XPOT: variants seen among roughly 807,000 people sequenced by gnomAD.
The protein encoded by XPOT is exportin-T.
In XPOT, 34 loss-of-function variants were observed where a neutral mutation model predicts 128.2. The observed-to-expected ratio is 0.27, with a 90% CI of 0.20 to 0.35. The LOEUF (loss-of-function observed/expected upper bound fraction) is 0.35. Ranked by LOEUF, XPOT falls within the 10% of genes least tolerant of loss-of-function variation. XPOT has a pLI of 1.00. For synonymous variants in XPOT, 348 were observed against 394.3 expected (o/e 0.88, Z 1.39); for missense variants, 838 against 1,125.3 (o/e 0.74, Z 3.65).
rs962079813 is a variant in XPOT at position 64,420,081 on chromosome 12, G to A, written c.501G>A (p.Arg167=). The part of the protein sequence containing the change: ...DVVHTSEEAR[R]NTLIKDTMRE... ...GTTTTGTATTTTAGGAGGCTCGTAG[G>A]AATACTCTCATAAAAGATACCATGA... is the stretch of plus-strand genomic sequence containing the variant. The change falls in exon 7 of 25, where the codon AGG becomes AGA. Residue 167 remains arginine, a synonymous_variant. Transcript: ENST00000332707. 2.5e-6 allele frequency: 4 copies of A among 1,571,178 alleles called. No individual in the cohort carries two copies. Among genetic ancestry groups the A allele is most frequent in the Non-Finnish European group, 3.4e-6 (4 of 1,166,066 alleles).
chr12:64,424,805 C>CTT, intron 12 of XPOT, 82 bp downstream of exon 12: 1 of 1,521,090 alleles, frequency 6.6e-7, no homozygotes, highest in Non-Finnish European at 8.9e-7. Flanking sequence ...ATTCATATGA[C>CTT]TTATTAATCC....
rs750521420 is a variant in XPOT at position 64,445,088 on chromosome 12, C to T, written c.2819C>T (p.Ala940Val). 8.1e-6 allele frequency: 13 copies of T among 1,608,874 alleles called. No individual in the cohort carries two copies. The highest frequency in any genetic ancestry group is 1.1e-5 in the South Asian group (1 of 90,226). ...CCCACCCCCCAGGAGTTTTGTCAAGCGCTTCAGCAGCCTGATGCTAAAGTT... is the reference window on the plus strand; with the variant it reads ...CCCACCCCCCAGGAGTTTTGTCAAGTGCTTCAGCAGCCTGATGCTAAAGTT... ...APEIIQEFCQ[A>V]LQQPDAKVFK... The change falls in exon 24 of 25, where the codon GCG becomes GTG. Residue 940 changes from alanine to valine, a missense_variant. This residue lies in a region of XPOT where 56 missense variants were observed against 79.2 expected (regional missense o/e 0.71). Coordinates refer to ENST00000332707, the MANE Select transcript of XPOT (RefSeq NM_007235.6).
intron 23 of XPOT, among the ~76,000 whole-genome samples, chr12:64,443,934 CAT>C (rs1338780059): frequency 2.0e-5 from 3 of 152,124 alleles, no homozygotes; most frequent in Non-Finnish European, 4.4e-5. Flanking sequence ...TAAATAAACT[CAT>C]ATTTTAATGA....
chr12:64,421,805 C>G (rs1334257447), intron 9 of XPOT, among the ~76,000 whole-genome samples: 1 of 151,792 alleles, frequency 6.6e-6, no homozygotes, highest in Non-Finnish European at 1.5e-5. Context: ...ATTCATTTCT[C>G]ATAAACAATT....
At position 64,431,702 on chromosome 12, in the gene XPOT, G is replaced by T. The variant is rs1312005739; in HGVS notation, c.2141G>T (p.Cys714Phe). The T allele has an allele frequency of 6.2e-7, 1 of 1,613,870 alleles. No homozygotes were observed. Among genetic ancestry groups the T allele is most frequent in the Non-Finnish European group, 8.5e-7 (1 of 1,179,952 alleles). The change falls in exon 18 of 25, where the codon TGC becomes TTC. Residue 714 changes from cysteine (C) to phenylalanine (F), a missense_variant. Coordinates refer to ENST00000332707, the MANE Select transcript of XPOT (RefSeq NM_007235.6). ...VRTFLHRMII[C>F]LEEEVLPFIP... The stretch of plus-strand genomic sequence containing the variant: ...ACTTTCCTTCATCGAATGATTATTT[G>T]CCTGGAGGAAGAAGTTCTTCCGTTC...
intron 2 of XPOT, 56 bp downstream of exon 2, chr12:64,410,151 G>T: frequency 6.5e-7 from 1 of 1,547,444 alleles, no homozygotes; most frequent in Non-Finnish European, 8.9e-7. Context: ...TGGCATTAGA[G>T]GACTTGAATA....
chr12:64,435,060 C>T (rs2040271194), intron 21 of XPOT, 151 bp downstream of exon 21: 2 of 640,834 alleles, frequency 3.1e-6, no homozygotes, highest in Admixed American at 6.7e-5. Flanking sequence ...TTTATGATAC[C>T]TTCTGGAGTT....
chr12:64,432,360 C>G (rs1465970496), intron 18 of XPOT, among the ~76,000 whole-genome samples: 4 of 151,994 alleles, frequency 2.6e-5, no homozygotes. Context: ...ATTCTTGTGC[C>G]TCAGCCTCCT....
In XPOT at chr12:64,434,810, A is replaced by G. The variant is rs771377210; in HGVS notation, c.2586A>G (p.Pro862=). The stretch of plus-strand genomic sequence containing the variant: ...TCTTGACAGGAGGTAAAGATGGACC[A>G]GTGGGATTTGCTGATTTTGTTTATA... The part of the protein sequence containing the change: ...LVELWGGKDG[P]VGFADFVYKH... The change falls in exon 21 of 25, where the codon CCA becomes CCG. Residue 862 remains proline, a synonymous_variant. Transcript: ENST00000332707. 8.7e-6 allele frequency: 14 copies of G among 1,612,144 alleles called. No homozygotes were observed. The South Asian group carries it at 1.2e-4, about 14-fold the overall frequency.
chr12:64,438,085 A>G (rs1185009745), intron 22 of XPOT, among the ~76,000 whole-genome samples: 1 of 152,220 alleles, frequency 6.6e-6, no homozygotes, highest in African/African-American at 2.4e-5. Context: ...CGTTGTTTGG[A>G]TGCTAAACAG....
At position 64,422,425 on chromosome 12, in the gene XPOT, G is replaced by C. The variant is rs193141665; in HGVS notation, c.1081-580G>C. Among the ~76,000 whole-genome samples the C allele has an allele frequency of 4.9e-3, 744 of 152,234 alleles. 4 individuals carry two copies. Among genetic ancestry groups the C allele is most frequent in the Non-Finnish European group, 7.2e-3 (493 of 68,006 alleles). On this transcript the variant is annotated intron_variant, in intron 9 of 24. Coordinates refer to ENST00000332707, the MANE Select transcript of XPOT (RefSeq NM_007235.6). ...CCATTGTATATCTCTTAATGGTTTT[G>C]TAGGCTTGTTTTGCTTTGTTTAAAA...
intron 1 of XPOT, among the ~76,000 whole-genome samples, chr12:64,408,904 C>T (rs1357306390): frequency 1.3e-5 from 2 of 152,128 alleles, no homozygotes; most frequent in African/African-American, 4.8e-5. Context: ...AACTCCTGAC[C>T]TTAAGTGATC....
chr12:64,445,159 TCATA>T lies in XPOT; in HGVS notation c.2862+31_2862+34del, dbSNP rs766588583. On this transcript the variant is annotated intron_variant, in intron 24 of 24. Coordinates refer to ENST00000332707, the MANE Select transcript of XPOT (RefSeq NM_007235.6). The stretch of plus-strand genomic sequence containing the variant: ...AGGTATTTGTGAAGCTCACGTATCT[TCATA>T]CAATTAGGTAATGTTTGAGAGCCAA... 5.2e-6 allele frequency: 8 copies of T among 1,545,240 alleles called. No homozygotes were observed. The South Asian group carries it at 5.7e-5, about 11-fold the overall frequency.
In XPOT at chr12:64,418,938, G is replaced by A. The variant is rs2040112633; in HGVS notation, c.333G>A (p.Leu111=). The stretch of plus-strand genomic sequence containing the variant: ...ATAAAGCCGCCCAAGTCTTCGCCTT[G>A]CTTTTTGTTACAGAGTATCTCACTA... ...IRNKAAQVFA[L]LFVTEYLTKW... Residue 111 remains leucine (L), a synonymous_variant, in exon 6 of 25, where the codon TTG becomes TTA. Transcript: ENST00000332707. The A allele has an allele frequency of 6.2e-7, 1 of 1,613,856 alleles. No individual in the cohort carries two copies. Among genetic ancestry groups the A allele is most frequent in the Admixed American group, 1.7e-5 (1 of 59,988 alleles).
chr12:64,439,626 A>AG (rs2040309281), intron 23 of XPOT, among the ~76,000 whole-genome samples: 1 of 152,138 alleles, frequency 6.6e-6, no homozygotes, highest in Non-Finnish European at 1.5e-5. Flanking sequence ...TTTTAAAAAA[A>AG]CATTCTAAAG....
In XPOT at chr12:64,433,406, A is replaced by G; in HGVS notation, c.2263-8A>G. On this transcript the variant is annotated splice_region_variant and splice_polypyrimidine_tract_variant and intron_variant, in intron 18 of 24. Transcript: ENST00000332707. ...CTAATTTCTGAAGTAATGATTGTTT[A>G]TCTTCAGATACAGGTATCCCCGTTT... 5.3e-6 allele frequency: 8 copies of G among 1,516,212 alleles called. No individual in the cohort carries two copies. Among genetic ancestry groups the G allele is most frequent in the South Asian group, 1.3e-5 (1 of 78,436 alleles). 93.9% of individuals were successfully genotyped at this position (1,516,212 alleles called of 1,614,324 possible).
intron 3 of XPOT, 107 bp downstream of exon 3, chr12:64,415,096 T>G (rs1433957034): frequency 2.0e-5 from 4 of 197,950 alleles, no homozygotes; most frequent in South Asian, 2.4e-4. Flanking sequence ...ATTTTATGAC[T>G]TTTTTTTTTT....
intron 24 of XPOT, among the ~76,000 whole-genome samples, chr12:64,445,568 T>A (rs1373320997): frequency 6.6e-6 from 1 of 152,180 alleles, no homozygotes; most frequent in East Asian, 1.9e-4. Flanking sequence ...TTTTTTTTTT[T>A]AACTCTGTAA....
intron 1 of XPOT, among the ~76,000 whole-genome samples, chr12:64,407,331 C>G (rs1418624742): frequency 6.6e-6 from 1 of 151,838 alleles, no homozygotes; most frequent in African/African-American, 2.4e-5. Flanking sequence ...CTAAAAAATA[C>G]AAAAATTAGC....
Sources: allele counts gnomAD v4.1 joint callset (sites outside exome capture counted in the v4.1 genomes callset), GRCh38; gene constraint gnomAD v4.1.1; regional missense constraint gnomAD v4.1.1; transcripts MANE v1.5; gene names NCBI Gene and HGNC (gene_info 2026-07-23, HGNC 2026-07-21).